Variants in PRKAG2 observed in about 807,000 individuals in gnomAD.
PRKAG2 encodes the protein 5'-AMP-activated protein kinase subunit gamma-2.
Under a neutral mutation model 69.6 loss-of-function variants are expected in PRKAG2, and 26 were observed. That is an observed-to-expected ratio of 0.37 (90% CI 0.27 to 0.52). The LOEUF (loss-of-function observed/expected upper bound fraction) is 0.52, where lower values mean the gene tolerates loss of function less well. Among genes scored for constraint, PRKAG2 ranks in the 20% least tolerant of loss-of-function variants. PRKAG2 has a pLI of 0.90. For missense variants in PRKAG2, 557 were observed against 740.0 expected (o/e 0.75, Z 2.87); for synonymous variants, 293 against 285.0 (o/e 1.03, Z -0.28).
intron 1 of PRKAG2, among the ~76,000 whole-genome samples, chr7:151,865,178 G>A (rs993360411): frequency 6.6e-6 from 1 of 152,220 alleles, no homozygotes; most frequent in African/African-American, 2.4e-5. Flanking sequence ...CAAGGGGCCT[G>A]AGGAGCCCCT....
intron 3 of PRKAG2, among the ~76,000 whole-genome samples, chr7:151,727,119 G>A (rs905879289): frequency 6.6e-6 from 1 of 152,038 alleles, no homozygotes; most frequent in Non-Finnish European, 1.5e-5. Context: ...GGAAGCTGAG[G>A]TAGGAGAATC....
intron 4 of PRKAG2, among the ~76,000 whole-genome samples, chr7:151,667,987 G>A (rs1350611459): frequency 1.3e-5 from 2 of 152,226 alleles, no homozygotes; most frequent in African/African-American, 4.8e-5. Flanking sequence ...TATCAGCTAT[G>A]GTTTGGATGT....
At chr7:151,581,231 C>T (rs1008711844) in intron 6 of PRKAG2, among the ~76,000 whole-genome samples, 8 of 152,150 alleles carry the variant, frequency 5.3e-5, no homozygotes, top group African/African-American at 1.9e-4. Flanking sequence ...GGTAGACAAA[C>T]CTAACTATAG....
At chr7:151,738,793 G>A (rs772049488) in intron 3 of PRKAG2, among the ~76,000 whole-genome samples, 1 of 152,204 alleles carries the variant, frequency 6.6e-6, no homozygotes, top group East Asian at 1.9e-4. Flanking sequence ...AGCTCTGAAG[G>A]CTGTGAGACC....
Position 151,818,403 on chromosome 7 carries a change from C to G in PRKAG2, c.115-31862G>C, listed in dbSNP as rs878894086. Reference sequence around the variant, plus strand: ...AAATCCCATGCCGCCCTCAGCCCTTCACCTAAAAGTCAAATGCTGCATGCC... The same window carrying G: ...AAATCCCATGCCGCCCTCAGCCCTTGACCTAAAAGTCAAATGCTGCATGCC... On this transcript the variant is annotated intron_variant, in intron 1 of 15. Transcript: ENST00000287878. 3.3e-5 allele frequency among the ~76,000 whole-genome samples: 5 copies of G among 151,894 alleles called. No homozygotes were observed. In the South Asian group the frequency reaches 1.0e-3, roughly 32 times the overall value.
intron 3 of PRKAG2, among the ~76,000 whole-genome samples, chr7:151,687,692 C>T (rs757482332): frequency 6.6e-6 from 1 of 152,218 alleles, no homozygotes; most frequent in Non-Finnish European, 1.5e-5. Flanking sequence ...ATCTACCCCC[C>T]ACCCCAGAAG....
chr7:151,680,583 C>A (rs1414246529), intron 3 of PRKAG2, among the ~76,000 whole-genome samples: 1 of 152,230 alleles, frequency 6.6e-6, no homozygotes, highest in African/African-American at 2.4e-5. Flanking sequence ...GAACAACTGG[C>A]AGGGAGGACT....
At chr7:151,676,298 T>A (rs1292334015) in intron 3 of PRKAG2, among the ~76,000 whole-genome samples, 2 of 151,640 alleles carry the variant, frequency 1.3e-5, no homozygotes, top group African/African-American at 4.8e-5. Context: ...GATGTGTTAT[T>A]CCTACCAAAA....
At chr7:151,627,390 C>T (rs1388200071) in intron 5 of PRKAG2, among the ~76,000 whole-genome samples, 1 of 152,134 alleles carries the variant, frequency 6.6e-6, no homozygotes, top group Non-Finnish European at 1.5e-5. Context: ...CTTTGGGAGG[C>T]CGAGGCAGGC....
intron 3 of PRKAG2, among the ~76,000 whole-genome samples, chr7:151,691,694 G>A (rs1199955507): frequency 1.3e-5 from 2 of 152,176 alleles, no homozygotes; most frequent in Non-Finnish European, 2.9e-5. Flanking sequence ...TGGAACAACA[G>A]GAACTCTCAT....
At chr7:151,599,560 G>C (rs758853011) in intron 5 of PRKAG2, among the ~76,000 whole-genome samples, 3 of 152,142 alleles carry the variant, frequency 2.0e-5, no homozygotes, top group Non-Finnish European at 4.4e-5. Flanking sequence ...TTTCCACTGG[G>C]GGTGGTAGTG....
chr7:151,617,259 C>CGGGGGAAG (rs1820361354), intron 5 of PRKAG2, among the ~76,000 whole-genome samples: 1 of 9,430 alleles, frequency 1.1e-4, no homozygotes, highest in Non-Finnish European at 2.0e-4. Context: ...AGGGAAGGAG[C>CGGGGGAAG]GAGGGAAGGA....
intron 3 of PRKAG2, among the ~76,000 whole-genome samples, chr7:151,704,795 C>T (rs1052968657): frequency 2.6e-5 from 4 of 152,306 alleles, no homozygotes; most frequent in South Asian, 2.1e-4. Flanking sequence ...CGGGGCGCCA[C>T]GGCTTGGAGA....
chr7:151,820,677 G>A (rs867761613), intron 1 of PRKAG2, among the ~76,000 whole-genome samples: 33 of 152,292 alleles, frequency 2.2e-4, no homozygotes, highest in Middle Eastern at 3.4e-3. Context: ...CCAACTTCAC[G>A]TCTCCCACAG....
At chr7:151,851,089 C>T (rs1359723182) in intron 1 of PRKAG2, among the ~76,000 whole-genome samples, 1 of 152,136 alleles carries the variant, frequency 6.6e-6, no homozygotes, top group Non-Finnish European at 1.5e-5. Context: ...ACCCTTGCTG[C>T]CATCTAACTT....
chr7:151,557,213 T>G lies in PRKAG2; in HGVS notation c.1698A>C (p.Thr566=). ...ACATTCACGGCGGTCACTCCGTTTC[T>G]GTCTCCTTTTGTTTGGCACCTGTCA... is the stretch of plus-strand genomic sequence containing the variant. ...LTPAGAKQKE[T]ETE Residue 566 remains threonine, a synonymous_variant, in exon 16 of 16, where the codon ACA becomes ACC. Transcript: ENST00000287878. 6.2e-7 allele frequency: 1 copy of G among 1,614,202 alleles called. No individual in the cohort carries two copies. Among genetic ancestry groups the G allele is most frequent in the Non-Finnish European group, 8.5e-7 (1 of 1,180,016 alleles).
chr7:151,687,399 C>G (rs1834897424), intron 3 of PRKAG2, among the ~76,000 whole-genome samples: 2 of 152,178 alleles, frequency 1.3e-5, no homozygotes, highest in African/African-American at 4.8e-5. Context: ...CAGAACTTTT[C>G]CCATATACAA....
Position 151,817,446 on chromosome 7 carries a change from G to A in PRKAG2, c.115-30905C>T, listed in dbSNP as rs75579667. Among the ~76,000 whole-genome samples the A allele has an allele frequency of 4.6e-3, 700 of 152,266 alleles. 5 individuals are homozygous for A. The highest frequency in any genetic ancestry group is 0.016 in the African/African-American group (673 of 41,534). On this transcript the variant is annotated intron_variant, in intron 1 of 15. Transcript: ENST00000287878. ...CTTCACTAGCTCCATGCCATCTACA[G>A]AACAAACCCCACTTCTTCAGCATGG...
chr7:151,644,053 T>A (rs1363011654), intron 4 of PRKAG2, among the ~76,000 whole-genome samples: 1 of 152,150 alleles, frequency 6.6e-6, no homozygotes, highest in East Asian at 1.9e-4. Flanking sequence ...GGCATAAGAA[T>A]GATACAATAG....
Sources: gnomAD v4.1 joint callset for allele counts (sites outside exome capture counted in the v4.1 genomes callset) on GRCh38, gnomAD v4.1.1 for gene constraint, MANE v1.5 for transcripts, NCBI Gene and HGNC (gene_info 2026-07-23, HGNC 2026-07-21) for gene names.